ZNF407: variants seen among roughly 807,000 people sequenced by gnomAD.
ZNF407 encodes zinc finger protein 407.
A neutral mutation model predicts 131.2 loss-of-function variants in ZNF407; 17 were observed. The observed-to-expected ratio is 0.13, with a 90% CI of 0.09 to 0.19. ZNF407 has a LOEUF of 0.19. Among genes scored for constraint, ZNF407 ranks in the 10% least tolerant of loss-of-function variants. The probability of loss-of-function intolerance (pLI) is 1.00; values close to 1 mark genes in which losing one functional copy is unlikely to be tolerated. For missense variants in ZNF407, 2,681 were observed against 2,830.6 expected, an observed-to-expected ratio of 0.95 and a Z score of 1.20; for synonymous variants, 1,156 against 1,062.0, an observed-to-expected ratio of 1.09 and a Z score of -1.72.
chr18:75,061,222 T>G (rs945120235), intron 8 of ZNF407: 3 of 152,176 alleles, frequency 2.0e-5, no homozygotes, highest in African/African-American at 7.2e-5. Flanking sequence ...ACTGACCCCC[T>G]CAAGGAGATT....
At position 74,603,191 on chromosome 18, in the gene ZNF407, G is replaced by A. The variant is rs1024460768; in HGVS notation, c.-54+5254G>A. On this transcript the variant is annotated intron_variant, in intron 1 of 8. Transcript: ENST00000299687. Reference sequence around the variant, plus strand: ...TTTAAAGAAAGTTTTGAGTCCTGTAGCACTCACTGTGCTGCACAGATGCTA... The same window carrying A: ...TTTAAAGAAAGTTTTGAGTCCTGTAACACTCACTGTGCTGCACAGATGCTA... 6.6e-5 allele frequency among the ~76,000 whole-genome samples: 10 copies of A among 152,184 alleles called. No individual in the cohort carries two copies. In the East Asian group the frequency reaches 1.9e-3, roughly 29 times the overall value.
chr18:74,779,471 T>G (rs1233354049), intron 3 of ZNF407, among the ~76,000 whole-genome samples: 3 of 152,126 alleles, frequency 2.0e-5, no homozygotes, highest in African/African-American at 7.2e-5. Flanking sequence ...ATTTGTACTT[T>G]AAGCCAAATT....
chr18:75,062,820 A>G (rs8089325), intron 8 of ZNF407: 6 of 175,162 alleles, frequency 3.4e-5, no homozygotes, highest in East Asian at 1.1e-4. Context: ...AAAAGACATG[A>G]TGGTGGTTGG....
At chr18:74,951,561 G>C (rs1049577436) in intron 8 of ZNF407, among the ~76,000 whole-genome samples, 4 of 152,032 alleles carry the variant, frequency 2.6e-5, no homozygotes, top group African/African-American at 9.7e-5. Flanking sequence ...CTGCTTCCTT[G>C]ATCATCATCA....
chr18:74,622,213 G>A (rs758206661), intron 1 of ZNF407, among the ~76,000 whole-genome samples: 5 of 152,164 alleles, frequency 3.3e-5, no homozygotes, highest in Non-Finnish European at 5.9e-5. Flanking sequence ...ATGGGGTTTC[G>A]TGACTACAAC....
intron 3 of ZNF407, among the ~76,000 whole-genome samples, chr18:74,722,577 T>C (rs1018124776): frequency 6.6e-6 from 1 of 152,140 alleles, no homozygotes. Flanking sequence ...GGCACAGAGC[T>C]CCAGTTTTTT....
chr18:75,002,574 G>A (rs927335588), intron 8 of ZNF407, among the ~76,000 whole-genome samples: 10 of 152,092 alleles, frequency 6.6e-5, no homozygotes, highest in Admixed American at 5.9e-4. Flanking sequence ...AGGACAAGGC[G>A]GGTGGATCAC....
At chr18:74,642,202 G>A (rs184526559) in intron 3 of ZNF407, among the ~76,000 whole-genome samples, 253 of 152,192 alleles carry the variant, frequency 1.7e-3, no homozygotes, top group Non-Finnish European at 2.6e-3. Context: ...CATGGTCTGT[G>A]GAATTGATGG....
At chr18:75,023,518 C>A (rs1417278535) in intron 8 of ZNF407, among the ~76,000 whole-genome samples, 2 of 152,066 alleles carry the variant, frequency 1.3e-5, no homozygotes, top group African/African-American at 4.8e-5. Context: ...AACTACCTGT[C>A]TAAGTAAATC....
chr18:74,778,737 G>A (rs958476289), intron 3 of ZNF407, among the ~76,000 whole-genome samples: 4 of 151,996 alleles, frequency 2.6e-5, no homozygotes, highest in Non-Finnish European at 5.9e-5. Context: ...AGAATGCTCC[G>A]GGAAGGCATG....
At chr18:74,821,086 G>A (rs1970333769) in intron 4 of ZNF407, among the ~76,000 whole-genome samples, 1 of 152,038 alleles carries the variant, frequency 6.6e-6, no homozygotes, top group Admixed American at 6.6e-5. Flanking sequence ...CTTGTCTACA[G>A]AGGAGCTGCA....
intron 8 of ZNF407, among the ~76,000 whole-genome samples, chr18:74,982,372 G>A (rs1484278794): frequency 6.6e-6 from 1 of 152,102 alleles, no homozygotes; most frequent in Non-Finnish European, 1.5e-5. Flanking sequence ...TTGAATCTTT[G>A]CTTTATATGA....
At chr18:74,938,403 C>T (rs1972062107) in intron 8 of ZNF407, among the ~76,000 whole-genome samples, 1 of 152,236 alleles carries the variant, frequency 6.6e-6, no homozygotes, top group South Asian at 2.1e-4. Flanking sequence ...GTGATCTTTC[C>T]ACCTATTTCT....
At chr18:74,773,202 A>C (rs888505719) in intron 3 of ZNF407, among the ~76,000 whole-genome samples, 12 of 152,226 alleles carry the variant, frequency 7.9e-5, no homozygotes, top group African/African-American at 2.9e-4. Context: ...TTAGAGGATA[A>C]GATGAGGAAC....
intron 8 of ZNF407, among the ~76,000 whole-genome samples, chr18:74,941,280 G>T (rs1206205061): frequency 1.3e-5 from 2 of 152,186 alleles, no homozygotes; most frequent in Non-Finnish European, 2.9e-5. Flanking sequence ...TGTTATTTGA[G>T]GGTGTCTGAA....
chr18:74,667,320 C>T (rs1382938084), intron 3 of ZNF407, among the ~76,000 whole-genome samples: 3 of 152,162 alleles, frequency 2.0e-5, no homozygotes, highest in Admixed American at 6.5e-5. Flanking sequence ...TTGTGTGTTA[C>T]AGTAGGTCTA....
In ZNF407 at chr18:74,639,908, G is replaced by T. The variant is rs549970777; in HGVS notation, c.4688-1100G>T. ...TTTTTTACAAGGACACTGCACAAAG[G>T]TTCATTGATCAAATATGATTTATTA... On this transcript the variant is annotated intron_variant, in intron 2 of 8. Transcript: ENST00000299687. Among the ~76,000 whole-genome samples the T allele has an allele frequency of 2.7e-4, 41 of 151,990 alleles. 1 individual carries two copies. Among genetic ancestry groups the T allele is most frequent in the African/African-American group, 9.2e-4 (38 of 41,458 alleles).
At chr18:74,832,464 G>A (rs1300352495) in intron 4 of ZNF407, among the ~76,000 whole-genome samples, 1 of 148,894 alleles carries the variant, frequency 6.7e-6, no homozygotes, top group African/African-American at 2.5e-5. Context: ...TTTTCTTTTT[G>A]TTTTTTTTGA....
intron 6 of ZNF407, among the ~76,000 whole-genome samples, chr18:74,888,356 G>T (rs1971338898): frequency 6.6e-6 from 1 of 151,808 alleles, no homozygotes; most frequent in Non-Finnish European, 1.5e-5. Context: ...AAAAGAAAAA[G>T]TAACAGGTGT....
Sources: gnomAD v4.1 joint callset for allele counts (sites outside exome capture counted in the v4.1 genomes callset) on GRCh38, gnomAD v4.1.1 for gene constraint, MANE v1.5 for transcripts, NCBI Gene and HGNC (gene_info 2026-07-23, HGNC 2026-07-21) for gene names.